Variants in TET3 observed in about 807,000 individuals in gnomAD.
TET3 encodes tet methylcytosine dioxygenase 3, also known as methylcytosine dioxygenase TET3.
TET3 carries 19 observed loss-of-function variants against 141.4 expected under a neutral mutation model. The ratio of observed to expected loss-of-function variants is 0.13; its 90% CI spans 0.09 to 0.20. The LOEUF is 0.20. Among genes scored for constraint, TET3 ranks in the 10% least tolerant of loss-of-function variants. The pLI is 1.00. For missense variants in TET3, 1,874 were observed against 2,356.9 expected (o/e 0.80, Z 4.24); for synonymous variants, 1,043 against 980.9 (o/e 1.06, Z -1.18).
chr2:74,109,265 T>C (rs947924987), downstream of TET3, among the ~76,000 whole-genome samples: 3 of 152,192 alleles, frequency 2.0e-5, no homozygotes, highest in Non-Finnish European at 2.9e-5. Context: ...CCATGTTAAA[T>C]ATAGAAAATT....
chr2:74,008,988 A>G (rs762582773), intron 3 of TET3, among the ~76,000 whole-genome samples: 27 of 152,186 alleles, frequency 1.8e-4, no homozygotes, highest in Non-Finnish European at 3.2e-4. Context: ...AAAGGCATTG[A>G]AAGGGTTTGC....
chr2:74,005,894 AC>A (rs1365391148), intron 3 of TET3, among the ~76,000 whole-genome samples: 5 of 152,020 alleles, frequency 3.3e-5, no homozygotes, highest in Non-Finnish European at 7.4e-5. Flanking sequence ...TGTTGCTACC[AC>A]CTCCTCGTTG....
chr2:74,094,633 G>A (rs1406372359), intron 10 of TET3, among the ~76,000 whole-genome samples: 1 of 152,162 alleles, frequency 6.6e-6, no homozygotes, highest in Non-Finnish European at 1.5e-5. Flanking sequence ...CAGCCATCCA[G>A]GCCAGAGGGG....
chr2:74,010,541 A>G (rs891197737), intron 3 of TET3, among the ~76,000 whole-genome samples: 7 of 152,206 alleles, frequency 4.6e-5, no homozygotes, highest in African/African-American at 7.2e-5. Flanking sequence ...TATTGGAATC[A>G]TCTGAGTAGA....
At chr2:74,085,269 C>G (rs1690059523) in intron 6 of TET3, among the ~76,000 whole-genome samples, 1 of 152,030 alleles carries the variant, frequency 6.6e-6, no homozygotes, top group Non-Finnish European at 1.5e-5. Context: ...GCTGGAATTT[C>G]CCCCAGGCGG....
chr2:74,057,124 G>A (rs942522044), intron 4 of TET3, among the ~76,000 whole-genome samples: 2 of 152,182 alleles, frequency 1.3e-5, no homozygotes, highest in Non-Finnish European at 1.5e-5. Context: ...AGGGCCAACA[G>A]TACCGAAAAG....
chr2:74,004,717 G>C (rs917665029), intron 3 of TET3, among the ~76,000 whole-genome samples: 1 of 152,092 alleles, frequency 6.6e-6, no homozygotes, highest in African/African-American at 2.4e-5. Context: ...ACTGTGGGTG[G>C]GGAGGAGAGA....
At chr2:74,065,469 C>G (rs1422193791) in intron 4 of TET3, among the ~76,000 whole-genome samples, 1 of 151,988 alleles carries the variant, frequency 6.6e-6, no homozygotes, top group Non-Finnish European at 1.5e-5. Context: ...TTTTGTTCAA[C>G]AAGAAATATC....
the TET3 span, chr2:74,135,023 T>G: frequency 3.8e-6 from 1 of 265,892 alleles, no homozygotes; most frequent in East Asian, 9.9e-5. Flanking sequence ...GCTTCTGTCG[T>G]GGGAGGTGGG....
At chr2:74,059,589 G>A (rs371223955) in intron 4 of TET3, among the ~76,000 whole-genome samples, 25 of 152,222 alleles carry the variant, frequency 1.6e-4, no homozygotes, top group African/African-American at 6.0e-4. Flanking sequence ...GGATATCACT[G>A]TTGTCCAGGC....
At chr2:74,115,222 T>G in the TET3 span, among the ~76,000 whole-genome samples, 1 of 152,138 alleles carries the variant, frequency 6.6e-6, no homozygotes, top group Admixed American at 6.6e-5. Flanking sequence ...AGGGAACGAA[T>G]ATCCAGAATA....
the TET3 span, among the ~76,000 whole-genome samples, chr2:74,118,483 C>A: frequency 6.6e-6 from 1 of 152,108 alleles, no homozygotes; most frequent in African/African-American, 2.4e-5. Flanking sequence ...ATTTTCTTTT[C>A]TCTGGCTTAC....
intron 4 of TET3, among the ~76,000 whole-genome samples, chr2:74,067,322 T>G (rs4331526): frequency 0.31 from 46,979 of 152,234 alleles, 7,747 homozygotes; most frequent in African/African-American, 0.41. Flanking sequence ...TTTTAACTAC[T>G]TTGAGGCTCA....
chr2:74,090,870 G>A (rs1009724934), intron 8 of TET3, among the ~76,000 whole-genome samples: 1 of 152,190 alleles, frequency 6.6e-6, no homozygotes, highest in African/African-American at 2.4e-5. Context: ...CTCCTGAGCG[G>A]GTGGAGTGCT....
chr2:73,992,759 G>C (rs71418714), intron 2 of TET3, among the ~76,000 whole-genome samples: 5,938 of 152,282 alleles, frequency 0.039, 168 homozygotes, highest in Middle Eastern at 0.082. Flanking sequence ...TTCTCAAAGA[G>C]ATTTTGAAAA....
At chr2:73,988,035 A>G (rs942009668) in intron 2 of TET3, among the ~76,000 whole-genome samples, 8 of 152,200 alleles carry the variant, frequency 5.3e-5, no homozygotes, top group African/African-American at 1.9e-4. Context: ...GTCCTGACCC[A>G]GGGACTGCAG....
At position 74,103,906 on chromosome 2, in the gene TET3, G is replaced by A. The variant is rs1383156271; in HGVS notation, c.*1730G>A. On this transcript the variant is annotated 3_prime_UTR_variant, in exon 12 of 12. Transcript: ENST00000409262. ...TACTGAGCAGTTGTATTCAGATATG[G>A]GTCTTCATGAATCATGTTTAACAAT... is the stretch of plus-strand genomic sequence containing the variant. 3 of 153,656 alleles carry A rather than the reference G, an allele frequency of 2.0e-5. No homozygotes were observed. The highest frequency in any genetic ancestry group is 4.4e-5 in the Non-Finnish European group (3 of 68,036). The allele number at this position is 153,656 out of a possible 1,614,324, so 9.5% of individuals were successfully genotyped here.
intron 4 of TET3, among the ~76,000 whole-genome samples, chr2:74,073,164 T>C (rs557848113): frequency 4.9e-4 from 75 of 152,284 alleles, no homozygotes; most frequent in African/African-American, 1.8e-3. Flanking sequence ...GGTGGCTCAC[T>C]GGAGGGAAGT....
chr2:73,988,990 G>T lies in TET3; in HGVS notation c.303+2284G>T, dbSNP rs866699687. On this transcript the variant is annotated intron_variant, in intron 2 of 11. Transcript: ENST00000409262. ...GTGCCTCTCTCTGAAAAAAAAAAAA[G>T]TTTTTTTTGTTTTTTTTTTTTTTTG... 8.2e-3 allele frequency among the ~76,000 whole-genome samples: 869 copies of T among 105,992 alleles called. 8 individuals are homozygous for T. The highest frequency in any genetic ancestry group is 0.021 in the African/African-American group (558 of 27,016). 69.5% of individuals were successfully genotyped at this position (105,992 alleles called of 152,430 possible). A position where few individuals can be genotyped will look rare whatever the true frequency, so the allele number is the denominator to read the frequency against.
Sources: allele counts gnomAD v4.1 joint callset (sites outside exome capture counted in the v4.1 genomes callset), GRCh38; gene constraint gnomAD v4.1.1; transcripts MANE v1.5; gene names NCBI Gene and HGNC (gene_info 2026-07-23, HGNC 2026-07-21).